The following CDIP1 variants were observed in gnomAD, a reference collection of about 807,000 sequenced individuals.
CDIP1 encodes cell death-inducing p53-target protein 1.
Under a neutral mutation model 17.7 loss-of-function variants are expected in CDIP1, and 9 were observed. The observed-to-expected ratio is 0.51, with a 90% CI of 0.31 to 0.89. The LOEUF (loss-of-function observed/expected upper bound fraction) is 0.89, where lower values mean the gene tolerates loss of function less well. CDIP1 is among the 40% of genes least tolerant of loss of function. The pLI, the probability that CDIP1 is intolerant of heterozygous loss-of-function variation, is 0.05. For missense variants in CDIP1, 263 were observed against 277.9 expected (o/e 0.95, Z 0.38); for synonymous variants, 117 against 109.5 (o/e 1.07, Z -0.43).
At chr16:4,538,484 G>A (rs1195412728) in intron 1 of CDIP1, 1 of 129,000 alleles carries the variant, frequency 7.8e-6, no homozygotes, top group Non-Finnish European at 1.6e-5. Context: ...TCTAGGACTT[G>A]TAGTCCGCCC....
Position 4,513,950 on chromosome 16 carries a change from G to T in CDIP1, c.85+96C>A. On this transcript the variant is annotated intron_variant, in intron 3 of 5. Coordinates refer to ENST00000567695, the MANE Select transcript of CDIP1 (RefSeq NM_013399.3). The surrounding 1 kb of genome is among the most constrained non-coding windows in gnomAD (Gnocchi z 4.1). ...TTTGGGACACAGATGGGGCCCAGGG[G>T]TAACCCTGGAGTGGGCATCACCACT... is the stretch of plus-strand genomic sequence containing the variant. 2.9e-6 allele frequency: 4 copies of T among 1,362,912 alleles called. No homozygotes were observed. The highest frequency in any genetic ancestry group is 4.0e-6 in the Non-Finnish European group (4 of 1,002,838). The allele number at this position is 1,362,912 out of a possible 1,614,324, so 84.4% of individuals were successfully genotyped here.
chr16:4,516,931 C>A (rs2058894620), intron 1 of CDIP1, among the ~76,000 whole-genome samples: 2 of 151,916 alleles, frequency 1.3e-5, no homozygotes, highest in Non-Finnish European at 2.9e-5. Flanking sequence ...GCTGGTAAAT[C>A]CTTTTAATGC....
At chr16:4,525,503 G>A (rs532747931) in intron 1 of CDIP1, among the ~76,000 whole-genome samples, 2 of 152,104 alleles carry the variant, frequency 1.3e-5, no homozygotes, top group Non-Finnish European at 2.9e-5. Context: ...TGCTCAAAAG[G>A]GAGCCCCTGC....
chr16:4,513,449 C>T lies in CDIP1; in HGVS notation c.241+247G>A, dbSNP rs2058854294. ...CCTCTCCTGCACACAAGGCGCCCCT[C>T]CCCACCCATGTCAGGTCCTGGTGTG... On this transcript the variant is annotated intron_variant, in intron 4 of 5. Coordinates refer to ENST00000567695, the MANE Select transcript of CDIP1 (RefSeq NM_013399.3). This position sits in a 1 kb window ranked among gnomAD's most constrained non-coding sequence, Gnocchi z 4.1. Among the ~76,000 whole-genome samples, 1 of 152,168 alleles carries T rather than the reference C, an allele frequency of 6.6e-6. No individual in the cohort carries two copies. The highest frequency in any genetic ancestry group is 2.4e-5 in the African/African-American group (1 of 41,442).
intron 1 of CDIP1, among the ~76,000 whole-genome samples, chr16:4,531,130 G>A (rs1021247038): frequency 1.3e-5 from 2 of 151,968 alleles, no homozygotes; most frequent in African/African-American, 2.4e-5. Context: ...CCAGGTTCAC[G>A]CAATTCTCAT....
intron 1 of CDIP1, among the ~76,000 whole-genome samples, chr16:4,531,503 G>C (rs1295177417): frequency 1.3e-5 from 2 of 152,128 alleles, no homozygotes; most frequent in South Asian, 4.1e-4. Context: ...GAGATGACTG[G>C]GTCCAAGTCT....
In CDIP1 at chr16:4,513,972, C is replaced by A. The variant is rs556456846; in HGVS notation, c.85+74G>T. On this transcript the variant is annotated intron_variant, in intron 3 of 5. Coordinates refer to ENST00000567695, the MANE Select transcript of CDIP1 (RefSeq NM_013399.3). The surrounding 1 kb of genome is among the most constrained non-coding windows in gnomAD (Gnocchi z 4.1). Reference sequence around the variant, plus strand: ...GGGGTAACCCTGGAGTGGGCATCACCACTTAGAGAGTCCCAACCATGCCAT... The same window carrying A: ...GGGGTAACCCTGGAGTGGGCATCACAACTTAGAGAGTCCCAACCATGCCAT... The A allele has an allele frequency of 2.2e-6, 3 of 1,337,222 alleles. No individual in the cohort carries two copies. The highest frequency in any genetic ancestry group is 1.5e-5 in the African/African-American group (1 of 66,718). 82.8% of individuals were successfully genotyped at this position (1,337,222 alleles called of 1,614,324 possible). A position where few individuals can be genotyped will look rare whatever the true frequency, so the allele number is the denominator to read the frequency against.
At chr16:4,526,379 C>T (rs1229918725) in intron 1 of CDIP1, among the ~76,000 whole-genome samples, 1 of 147,516 alleles carries the variant, frequency 6.8e-6, no homozygotes, top group Non-Finnish European at 1.5e-5. Context: ...CACTCCAGCC[C>T]GGGCAATAGT....
chr16:4,516,365 C>T (rs2058887772), intron 1 of CDIP1, among the ~76,000 whole-genome samples: 1 of 152,076 alleles, frequency 6.6e-6, no homozygotes, highest in South Asian at 2.1e-4. Context: ...AACTAAAAAC[C>T]ACTGAATTGT....
At chr16:4,534,954 G>A (rs1446879388) in intron 1 of CDIP1, among the ~76,000 whole-genome samples, 1 of 151,988 alleles carries the variant, frequency 6.6e-6, no homozygotes, top group Non-Finnish European at 1.5e-5. Flanking sequence ...CCAACCTCAG[G>A]TGATCCGCCC....
intron 1 of CDIP1, chr16:4,536,354 T>C (rs922519054): frequency 2.0e-5 from 3 of 152,136 alleles, no homozygotes; most frequent in Non-Finnish European, 4.4e-5. Context: ...ATCAACACCA[T>C]GAGCTAAATT....
rs1412916864 is a variant in CDIP1, at chr16:4,514,093, G to A, written c.38C>T (p.Pro13Leu). 6 of 1,541,250 alleles carry A rather than the reference G, an allele frequency of 3.9e-6. No homozygotes were observed. The Admixed American group carries it at 7.2e-5, about 19-fold the overall frequency. The stretch of plus-strand genomic sequence containing the variant: ...TTTCTCTTCCAGAAGTGGGGCTGTG[G>A]GGCCCCCAGGATAAGGAGGGGGAGG... ...SEPPPPYPGGPTAPLLEEKSG... is the reference protein window; with the variant it reads ...SEPPPPYPGGLTAPLLEEKSG... Residue 13 changes from proline to leucine, a missense_variant, in exon 3 of 6, where the codon CCC (proline) becomes CTC (leucine). Physicochemically the swap from Pro to Leu is moderately conservative, Grantham distance 98. Transcript: ENST00000567695. This position sits in a 1 kb window ranked among gnomAD's most constrained non-coding sequence, Gnocchi z 5.2.
At chr16:4,529,957 G>A (rs141832417) in intron 1 of CDIP1, among the ~76,000 whole-genome samples, 185 of 152,320 alleles carry the variant, frequency 1.2e-3, no homozygotes, top group African/African-American at 4.4e-3. Context: ...CCCCTATTCC[G>A]TGGGTCGGGG....
chr16:4,534,962 C>A (rs960563463), intron 1 of CDIP1, among the ~76,000 whole-genome samples: 10 of 152,094 alleles, frequency 6.6e-5, no homozygotes, highest in African/African-American at 2.4e-4. Flanking sequence ...AGGTGATCCG[C>A]CCCCGTTGGC....
chr16:4,512,842 T>C lies in CDIP1; in HGVS notation c.464A>G (p.Tyr155Cys). The C allele has an allele frequency of 6.4e-7, 1 of 1,562,734 alleles. No individual in the cohort carries two copies. Among genetic ancestry groups the C allele is most frequent in the Non-Finnish European group, 8.7e-7 (1 of 1,152,854 alleles). Residue 155 changes from tyrosine to cysteine, a missense_variant, in exon 5 of 6, where the codon TAC becomes TGC. Physicochemically the swap from Tyr to Cys is radical, Grantham distance 194. Coordinates refer to ENST00000567695, the MANE Select transcript of CDIP1 (RefSeq NM_013399.3). This position sits in a 1 kb window ranked among gnomAD's most constrained non-coding sequence, Gnocchi z 4.6. Reference sequence around the variant, plus strand: ...CACGAAATTCATCAAGCCAATCTCGTAGGAGATCTTGGTGGTGATGGCCTG... The same window carrying C: ...CACGAAATTCATCAAGCCAATCTCGCAGGAGATCTTGGTGGTGATGGCCTG... ...CQQAITTKIS[Y>C]EIGLMNFVLG...
At chr16:4,520,459 G>A (rs553988068) in intron 1 of CDIP1, among the ~76,000 whole-genome samples, 2 of 152,192 alleles carry the variant, frequency 1.3e-5, no homozygotes, top group Admixed American at 1.3e-4. Context: ...CCTTAACAAT[G>A]GTTTTTTTCT....
chr16:4,519,303 C>G (rs762549361), intron 1 of CDIP1, among the ~76,000 whole-genome samples: 5 of 152,208 alleles, frequency 3.3e-5, no homozygotes, highest in Non-Finnish European at 5.9e-5. Flanking sequence ...AGCAAGCAGT[C>G]AGTTCTGCAG....
chr16:4,535,019 G>C (rs2059093742), intron 1 of CDIP1, among the ~76,000 whole-genome samples: 2 of 152,108 alleles, frequency 1.3e-5, no homozygotes, highest in Admixed American at 6.6e-5. Context: ...CACCCGGCCT[G>C]CATGTTAATC....
intron 1 of CDIP1, among the ~76,000 whole-genome samples, chr16:4,535,891 T>C (rs1235140743): frequency 6.6e-6 from 1 of 152,030 alleles, no homozygotes; most frequent in Non-Finnish European, 1.5e-5. Flanking sequence ...GACTCCTGAC[T>C]AGGCAGAGAC....
Sources: allele counts gnomAD v4.1 joint callset (sites outside exome capture counted in the v4.1 genomes callset), GRCh38; gene constraint gnomAD v4.1.1; non-coding constraint Gnocchi (gnomAD v3.1); transcripts MANE v1.5; gene names NCBI Gene and HGNC (gene_info 2026-07-23, HGNC 2026-07-21).